The following CACNA2D3 variants were observed in gnomAD, a reference collection of about 807,000 sequenced individuals.
CACNA2D3 encodes the protein voltage-dependent calcium channel subunit alpha-2/delta-3.
CACNA2D3 carries 60 observed loss-of-function variants against 160.6 expected under a neutral mutation model. The observed-to-expected ratio is 0.37, with a 90% CI of 0.30 to 0.46. The LOEUF (loss-of-function observed/expected upper bound fraction) is 0.46. Ranked by LOEUF, CACNA2D3 falls within the 20% of genes least tolerant of loss-of-function variation. CACNA2D3 has a pLI of 1.00. For missense variants in CACNA2D3, 1,205 were observed against 1,365.0 expected, an observed-to-expected ratio of 0.88 and a Z score of 1.85; for synonymous variants, 558 against 492.9, an observed-to-expected ratio of 1.13 and a Z score of -1.75.
chr3:54,341,347 C>T, intron 3 of CACNA2D3, among the ~76,000 whole-genome samples: 1 of 152,160 alleles, frequency 6.6e-6, no homozygotes, highest in Non-Finnish European at 1.5e-5. Context: ...TCCTCTGAGC[C>T]AGTTGCTAGG....
chr3:55,062,528 AAATATT>A (rs1279074637), intron 35 of CACNA2D3, among the ~76,000 whole-genome samples: 1 of 152,166 alleles, frequency 6.6e-6, no homozygotes, highest in Non-Finnish European at 1.5e-5. Context: ...TTACAAAACA[AAATATT>A]AATAGCTGTC....
intron 11 of CACNA2D3, among the ~76,000 whole-genome samples, chr3:54,739,732 C>G (rs949822596): frequency 1.0e-4 from 15 of 148,332 alleles, no homozygotes; most frequent in Non-Finnish European, 1.9e-4. Context: ...TCTGGAATGA[C>G]AGGCCCTTCT....
intron 4 of CACNA2D3, among the ~76,000 whole-genome samples, chr3:54,436,482 T>C (rs1372842726): frequency 6.6e-6 from 1 of 152,210 alleles, no homozygotes; most frequent in Non-Finnish European, 1.5e-5. Context: ...TGCACACATA[T>C]GTTTATTGCA....
Position 54,688,979 on chromosome 3 carries a change from C to CAAAAAAA in CACNA2D3, c.1167+46764_1167+46770dup, listed in dbSNP as rs1162900126. 3.8e-4 allele frequency among the ~76,000 whole-genome samples: 12 copies of CAAAAAAA among 31,438 alleles called. No individual in the cohort carries two copies. In the East Asian group the frequency reaches 8.4e-3, roughly 22 times the overall value. The allele number at this position is 31,438 out of a possible 152,430, so 20.6% of individuals were successfully genotyped here. The stretch of plus-strand genomic sequence containing the variant: ...CCTGGGAGACAGTGTGAGACTGTCT[C>CAAAAAAA]AAAAAAAAAAAAAAAAAAAAAAAAA... On this transcript the variant is annotated intron_variant, in intron 11 of 37. Coordinates refer to ENST00000474759, the MANE Select transcript of CACNA2D3 (RefSeq NM_018398.3).
At position 55,009,385 on chromosome 3, in the gene CACNA2D3, T is replaced by C. The variant is rs1038189273; in HGVS notation, c.2820-3T>C. 1 of 1,613,658 alleles carries C rather than the reference T, an allele frequency of 6.2e-7. No homozygotes were observed. Among genetic ancestry groups the C allele is most frequent in the Admixed American group, 1.7e-5 (1 of 60,028 alleles). On this transcript the variant is annotated splice_polypyrimidine_tract_variant and splice_region_variant and intron_variant, in intron 33 of 37. Transcript: ENST00000474759. ...ACATTGGGCTTTTCCACGATCTGTT[T>C]AGGTTCCTGGTGGAATTTAACCTCT... is the stretch of plus-strand genomic sequence containing the variant.
chr3:54,233,365 A>G (rs1295598598), intron 2 of CACNA2D3, among the ~76,000 whole-genome samples: 1 of 152,218 alleles, frequency 6.6e-6, no homozygotes, highest in African/African-American at 2.4e-5. Context: ...TGGGCTGCAT[A>G]GAAAGGGTTA....
At chr3:54,518,272 G>A (rs565011318) in intron 5 of CACNA2D3, among the ~76,000 whole-genome samples, 5 of 152,106 alleles carry the variant, frequency 3.3e-5, no homozygotes, top group Admixed American at 1.3e-4. Context: ...TGAGAGTTCC[G>A]TAAGGCCTGA....
At chr3:54,698,053 CT>C (rs1435968180) in intron 11 of CACNA2D3, among the ~76,000 whole-genome samples, 1 of 152,206 alleles carries the variant, frequency 6.6e-6, no homozygotes, top group Non-Finnish European at 1.5e-5. Flanking sequence ...TTTTGCTGCT[CT>C]CTCTCCTTAC....
chr3:54,642,932 C>T (rs1419963103), intron 11 of CACNA2D3, among the ~76,000 whole-genome samples: 2 of 152,206 alleles, frequency 1.3e-5, no homozygotes, highest in East Asian at 3.9e-4. Context: ...GCAGCAAAAT[C>T]TCTGGGGATG....
chr3:54,885,454 A>T, intron 22 of CACNA2D3, 35 bp from the exon 23 acceptor site: 1 of 1,601,360 alleles, frequency 6.2e-7, no homozygotes, highest in Non-Finnish European at 8.6e-7. Flanking sequence ...GTAAATATTG[A>T]CATGCTCTTG....
At chr3:54,240,880 T>A (rs1436293436) in intron 2 of CACNA2D3, among the ~76,000 whole-genome samples, 1 of 152,106 alleles carries the variant, frequency 6.6e-6, no homozygotes, top group African/African-American at 2.4e-5. Context: ...TAGCTGGGAT[T>A]ACAGGCACCT....
At chr3:54,801,661 G>C (rs1266354923) in intron 13 of CACNA2D3, among the ~76,000 whole-genome samples, 1 of 151,852 alleles carries the variant, frequency 6.6e-6, no homozygotes, top group Non-Finnish European at 1.5e-5. Context: ...TCTTTTTTTG[G>C]CCTATCTTTT....
At chr3:54,275,644 G>GT (rs1342905328) in intron 2 of CACNA2D3, among the ~76,000 whole-genome samples, 7 of 144,568 alleles carry the variant, frequency 4.8e-5, no homozygotes, top group African/African-American at 1.7e-4. Context: ...TTGAGACAAA[G>GT]TCTCACTCTG....
In CACNA2D3 at chr3:55,013,936, C is replaced by T. The variant is rs368890129; in HGVS notation, c.2876-4270C>T. ...AATTAAAGAAATTCAGTTGTGCGGA[C>T]GCTCCCTTGGGTGCTTCATTGTGAG... On this transcript the variant is annotated intron_variant, in intron 34 of 37. Coordinates refer to ENST00000474759, the MANE Select transcript of CACNA2D3 (RefSeq NM_018398.3). Among the ~76,000 whole-genome samples, 32 of 152,230 alleles carry T rather than the reference C, an allele frequency of 2.1e-4. No individual in the cohort carries two copies. In the East Asian group the frequency reaches 2.5e-3, roughly 12 times the overall value.
intron 34 of CACNA2D3, among the ~76,000 whole-genome samples, chr3:55,017,608 C>T (rs1703353649): frequency 6.6e-6 from 1 of 152,016 alleles, no homozygotes; most frequent in Non-Finnish European, 1.5e-5. Flanking sequence ...TGGATCTTGC[C>T]CACTGGACAA....
intron 3 of CACNA2D3, among the ~76,000 whole-genome samples, chr3:54,350,904 A>G (rs1442365262): frequency 9.9e-5 from 15 of 151,006 alleles, no homozygotes; most frequent in Admixed American, 9.9e-4. Flanking sequence ...GTAAGGGCAT[A>G]CAGAAGCTGT....
intron 6 of CACNA2D3, among the ~76,000 whole-genome samples, 184 bp from the exon 7 acceptor site, chr3:54,569,611 A>G (rs1228055132): frequency 2.6e-5 from 4 of 152,186 alleles, no homozygotes; most frequent in South Asian, 2.1e-4. Context: ...TGTGTTTGCT[A>G]TAGGGTTATG....
chr3:54,360,933 C>T (rs374781237), intron 3 of CACNA2D3, among the ~76,000 whole-genome samples: 8 of 151,770 alleles, frequency 5.3e-5, no homozygotes, highest in East Asian at 3.9e-4. Context: ...TTAAAAAATT[C>T]GAAAATGTAG....
At chr3:54,657,433 A>G (rs1699893001) in intron 11 of CACNA2D3, among the ~76,000 whole-genome samples, 1 of 152,170 alleles carries the variant, frequency 6.6e-6, no homozygotes, top group South Asian at 2.1e-4. Flanking sequence ...ATAGTACCAT[A>G]TTGTTAACTA....
Sources: gnomAD v4.1 joint callset for allele counts (sites outside exome capture counted in the v4.1 genomes callset) on GRCh38, gnomAD v4.1.1 for gene constraint, MANE v1.5 for transcripts, NCBI Gene and HGNC (gene_info 2026-07-23, HGNC 2026-07-21) for gene names.